Variants in TGFBRAP1 observed in about 807,000 individuals in gnomAD.
TGFBRAP1 encodes the protein transforming growth factor-beta receptor-associated protein 1.
Under a neutral mutation model 83.2 loss-of-function variants are expected in TGFBRAP1, and 20 were observed. That is an observed-to-expected ratio of 0.24 (90% confidence interval 0.17 to 0.35). The LOEUF (loss-of-function observed/expected upper bound fraction) is 0.35. TGFBRAP1 is among the 10% of genes least tolerant of loss of function. TGFBRAP1 has a pLI of 1.00. For synonymous variants in TGFBRAP1, 415 were observed against 459.8 expected, an observed-to-expected ratio of 0.90 and a Z score of 1.25; for missense variants, 950 against 1,099.4, an observed-to-expected ratio of 0.86 and a Z score of 1.92.
At chr2:105,294,858 T>C (rs1207117453) in intron 4 of TGFBRAP1, among the ~76,000 whole-genome samples, 3 of 152,162 alleles carry the variant, frequency 2.0e-5, no homozygotes, top group Admixed American at 1.3e-4. Flanking sequence ...GCACATGGTG[T>C]GTGTGCAAGA....
At chr2:105,261,833 T>A (rs1396584153), downstream of TGFBRAP1, among the ~76,000 whole-genome samples, 1 of 152,106 alleles carries the variant, frequency 6.6e-6, no homozygotes, top group East Asian at 1.9e-4. Flanking sequence ...AAAAAAGGTA[T>A]GTGTAGACCA....
chr2:105,281,008 G>T (rs1465781097), intron 5 of TGFBRAP1, among the ~76,000 whole-genome samples: 1 of 152,118 alleles, frequency 6.6e-6, no homozygotes, highest in Non-Finnish European at 1.5e-5. Flanking sequence ...ATGATGAAGA[G>T]AATACCCAGC....
the TGFBRAP1 span, among the ~76,000 whole-genome samples, chr2:105,258,632 T>G: frequency 6.6e-6 from 1 of 152,008 alleles, no homozygotes; most frequent in African/African-American, 2.4e-5. Flanking sequence ...CAGAAGCTGA[T>G]GGCAGAACAT....
In TGFBRAP1 at chr2:105,307,665, C is replaced by A. The variant is rs761887359; in HGVS notation, c.637G>T (p.Val213Phe). The A allele has an allele frequency of 6.2e-7, 1 of 1,613,890 alleles. No homozygotes were observed. Among genetic ancestry groups the A allele is most frequent in the Non-Finnish European group, 8.5e-7 (1 of 1,179,976 alleles). Residue 213 changes from valine to phenylalanine, a missense_variant, in exon 2 of 12, where the codon GTC (valine) becomes TTC (phenylalanine). Transcript: ENST00000393359. ...AACTCCTGTCTCCCTATCCTCTTGA[C>A]GATCGGCGGCCTCTCCTCACTGCAG... is the stretch of plus-strand genomic sequence containing the variant. ...PYCSEERPPI[V>F]KRIGRQEFLL...
chr2:105,301,444 A>C (rs554683341), intron 2 of TGFBRAP1, among the ~76,000 whole-genome samples: 1 of 151,998 alleles, frequency 6.6e-6, no homozygotes, highest in African/African-American at 2.4e-5. Flanking sequence ...AAAATTAGCC[A>C]GGAATGATGG....
chr2:105,289,797 T>A (rs962557741), intron 4 of TGFBRAP1, among the ~76,000 whole-genome samples: 1 of 152,226 alleles, frequency 6.6e-6, no homozygotes, highest in Non-Finnish European at 1.5e-5. Flanking sequence ...AGTGATCAGA[T>A]CTGTAAAATA....
chr2:105,298,384 A>G (rs1282758447), intron 3 of TGFBRAP1, 127 bp downstream of exon 3: 3 of 917,270 alleles, frequency 3.3e-6, no homozygotes, highest in East Asian at 5.4e-5. Context: ...AAGCACAGAG[A>G]CTGTATTGGA....
chr2:105,329,486 C>G (rs1466517981), intron 1 of TGFBRAP1, 139 bp downstream of exon 1: 1 of 143,672 alleles, frequency 7.0e-6, no homozygotes, highest in Non-Finnish European at 1.5e-5. Flanking sequence ...CCCCACTACA[C>G]CTGCCCCAGC....
chr2:105,270,885 A>G (rs976355209), intron 10 of TGFBRAP1, among the ~76,000 whole-genome samples: 1 of 152,220 alleles, frequency 6.6e-6, no homozygotes, highest in Non-Finnish European at 1.5e-5. Flanking sequence ...TGACTCCCAC[A>G]GCCACCCCGA....
chr2:105,280,585 C>G lies in TGFBRAP1; in HGVS notation c.1260G>C (p.Lys420Asn). The G allele has an allele frequency of 6.2e-7, 1 of 1,614,150 alleles. No individual in the cohort carries two copies. Among genetic ancestry groups the G allele is most frequent in the Non-Finnish European group, 8.5e-7 (1 of 1,180,030 alleles). The change falls in exon 6 of 12, where the codon AAG becomes AAC. Residue 420 changes from lysine to asparagine, a missense_variant. By Grantham distance (94) the Lys-to-Asn change is moderately conservative (BLOSUM62 0). Transcript: ENST00000393359. ...LNQLTQGDQE[K>N]MAKCKRFLMS... ...TGAGGAAGCGTTTGCACTTGGCCAT[C>G]TTCTCCTGGTCCCCCTGGGTCAGCT... is the stretch of plus-strand genomic sequence containing the variant.
Position 105,269,278 on chromosome 2 carries a change from G to A in TGFBRAP1, c.2400C>T (p.Tyr800=), listed in dbSNP as rs139045419. The change falls in exon 11 of 12, where the codon TAC becomes TAT. Residue 800 remains tyrosine, a synonymous_variant. Coordinates refer to ENST00000393359, the MANE Select transcript of TGFBRAP1 (RefSeq NM_004257.6). This position sits in a 1 kb window ranked among gnomAD's most constrained non-coding sequence, Gnocchi z 4.1. ...LARSENLIYT[Y]DKMKLKGSSI... is the part of the protein sequence containing the mutation. ...CGTGGGGGCCAGCACTTACCTTATC[G>A]TAGGTGTAGATTAAGTTTTCGGACC... 86 of 1,599,838 alleles carry A rather than the reference G, an allele frequency of 5.4e-5. No homozygotes were observed. In the African/African-American group the frequency reaches 6.3e-4, roughly 12 times the overall value.
intron 1 of TGFBRAP1, among the ~76,000 whole-genome samples, chr2:105,314,452 G>A (rs1269851955): frequency 1.5e-4 from 22 of 151,128 alleles, no homozygotes; most frequent in African/African-American, 2.4e-4. Context: ...GGGTTTCACC[G>A]TGTTAGCCAG....
intron 10 of TGFBRAP1, 71 bp downstream of exon 10, chr2:105,272,784 T>C: frequency 6.3e-7 from 1 of 1,581,440 alleles, no homozygotes; most frequent in African/African-American, 1.4e-5. Context: ...CCAAAGCCCT[T>C]CTCTCTGCTT....
Position 105,307,954 on chromosome 2 carries a change from G to T in TGFBRAP1, c.348C>A (p.Ile116=). The part of the protein sequence containing the change: ...NLEPVPSGAR[I]KGAATFALNE... The stretch of plus-strand genomic sequence containing the variant: ...TCAGTGCAAACGTGGCTGCCCCCTT[G>T]ATGCGGGCCCCCGAAGGCACTGGCT... The change falls in exon 2 of 12, where the codon ATC becomes ATA. Residue 116 remains isoleucine, a synonymous_variant. Coordinates refer to ENST00000393359, the MANE Select transcript of TGFBRAP1 (RefSeq NM_004257.6). 6.2e-7 allele frequency: 1 copy of T among 1,614,242 alleles called. No individual in the cohort carries two copies. Among genetic ancestry groups the T allele is most frequent in the South Asian group, 1.1e-5 (1 of 91,088 alleles).
intron 1 of TGFBRAP1, among the ~76,000 whole-genome samples, chr2:105,312,591 T>G (rs62154722): frequency 0.091 from 13,879 of 152,174 alleles, 799 homozygotes; most frequent in Non-Finnish European, 0.13. Context: ...AATAAATCAG[T>G]AATAGTATAA....
chr2:105,311,727 C>T (rs981824736), intron 1 of TGFBRAP1, among the ~76,000 whole-genome samples: 6 of 151,886 alleles, frequency 4.0e-5, no homozygotes, highest in African/African-American at 1.5e-4. Flanking sequence ...GGCAAAACCC[C>T]GTCTCTACTA....
At chr2:105,259,196 A>C in the TGFBRAP1 span, among the ~76,000 whole-genome samples, 1 of 152,304 alleles carries the variant, frequency 6.6e-6, no homozygotes, top group East Asian at 1.9e-4. Flanking sequence ...TAGGAAATCT[A>C]CAGCATCAAG....
chr2:105,320,482 A>G (rs1313755090), intron 1 of TGFBRAP1, among the ~76,000 whole-genome samples: 2 of 152,112 alleles, frequency 1.3e-5, no homozygotes, highest in African/African-American at 4.8e-5. Context: ...GCCAGGTCAG[A>G]TCTGAAGGCA....
intron 1 of TGFBRAP1, among the ~76,000 whole-genome samples, chr2:105,309,553 C>G (rs1678625672): frequency 6.6e-6 from 1 of 152,152 alleles, no homozygotes; most frequent in Non-Finnish European, 1.5e-5. Flanking sequence ...TGGTGCCTTT[C>G]AAATAGAAAA....
Sources: allele counts gnomAD v4.1 joint callset (sites outside exome capture counted in the v4.1 genomes callset), GRCh38; gene constraint gnomAD v4.1.1; non-coding constraint Gnocchi (gnomAD v3.1); transcripts MANE v1.5; gene names NCBI Gene and HGNC (gene_info 2026-07-23, HGNC 2026-07-21).